Variants in DGKI observed in about 807,000 individuals in gnomAD.
DGKI encodes diacylglycerol kinase iota.
In DGKI, 55 loss-of-function variants were observed where a neutral mutation model predicts 147.5. The observed-to-expected ratio is 0.37, with a 90% CI of 0.30 to 0.47. The LOEUF (loss-of-function observed/expected upper bound fraction) is 0.47. Among genes scored for constraint, DGKI ranks in the 20% least tolerant of loss-of-function variants. The pLI, the probability that DGKI is intolerant of heterozygous loss-of-function variation, is 1.00. For missense variants in DGKI, 1,007 were observed against 1,323.8 expected (o/e 0.76, Z 3.71); for synonymous variants, 469 against 477.1 (o/e 0.98, Z 0.22).
chr7:137,584,142 TCA>T (rs1273515562), intron 14 of DGKI, among the ~76,000 whole-genome samples: 1 of 152,148 alleles, frequency 6.6e-6, no homozygotes, highest in East Asian at 1.9e-4. Flanking sequence ...AATCTTAGCC[TCA>T]ATAAATGGCA....
At chr7:137,537,619 GA>G (rs1397106909) in intron 20 of DGKI, among the ~76,000 whole-genome samples, 2 of 152,142 alleles carry the variant, frequency 1.3e-5, no homozygotes, top group Admixed American at 6.5e-5. Flanking sequence ...CAGGAGGTAT[GA>G]TTCAAAAATT....
At chr7:137,585,513 A>G (rs1049627775) in intron 13 of DGKI, among the ~76,000 whole-genome samples, 167 bp from the exon 14 acceptor site, 40 of 152,254 alleles carry the variant, frequency 2.6e-4, no homozygotes, top group Non-Finnish European at 5.1e-4. Context: ...AGACAATACT[A>G]TAAGTAAGAT....
chr7:137,811,845 A>C (rs1378657668), intron 1 of DGKI, among the ~76,000 whole-genome samples: 2 of 150,836 alleles, frequency 1.3e-5, no homozygotes, highest in East Asian at 3.9e-4. Flanking sequence ...GTAGGTAGTG[A>C]CTCTTGAAGT....
At chr7:137,837,997 C>CTTTTTTT (rs777963342) in intron 1 of DGKI, among the ~76,000 whole-genome samples, 5 of 109,834 alleles carry the variant, frequency 4.6e-5, no homozygotes, top group Admixed American at 9.7e-5. Context: ...AAGGGAGAAA[C>CTTTTTTT]TTTTTTTTTT....
intron 28 of DGKI, among the ~76,000 whole-genome samples, chr7:137,434,118 C>CAA (rs60899883): frequency 1.5e-5 from 2 of 129,142 alleles, no homozygotes; most frequent in East Asian, 4.3e-4. Flanking sequence ...AACTCCATCT[C>CAA]AAAAAAAAAA....
intron 13 of DGKI, among the ~76,000 whole-genome samples, chr7:137,585,790 T>C (rs923785011): frequency 6.6e-6 from 1 of 152,116 alleles, no homozygotes; most frequent in African/African-American, 2.4e-5. Flanking sequence ...CAATCACCTC[T>C]CCCTGACCTC....
chr7:137,601,258 G>A (rs111500045), intron 10 of DGKI, among the ~76,000 whole-genome samples: 1,863 of 151,088 alleles, frequency 0.012, 33 homozygotes, highest in African/African-American at 0.043. Context: ...GTGAAAGAGC[G>A]AGACTCTGTC....
At chr7:137,469,651 C>T (rs752843426) in intron 23 of DGKI, 32 bp from the exon 24 acceptor site, 4 of 1,602,686 alleles carry the variant, frequency 2.5e-6, no homozygotes, top group Admixed American at 3.3e-5. Flanking sequence ...CTAGTGGCTG[C>T]ATTTCAATAA....
chr7:137,501,447 T>C (rs904497713), intron 21 of DGKI, among the ~76,000 whole-genome samples: 2 of 152,208 alleles, frequency 1.3e-5, no homozygotes, highest in African/African-American at 4.8e-5. Context: ...GGAGGCTCCA[T>C]TATGTTGTCC....
intron 28 of DGKI, among the ~76,000 whole-genome samples, chr7:137,412,598 T>C (rs1161482250): frequency 1.3e-5 from 2 of 152,202 alleles, no homozygotes; most frequent in Non-Finnish European, 2.9e-5. Context: ...TGAAGTCCTA[T>C]GAATGTTCCT....
At chr7:137,820,553 G>T (rs1310675871) in intron 1 of DGKI, among the ~76,000 whole-genome samples, 2 of 152,148 alleles carry the variant, frequency 1.3e-5, no homozygotes, top group African/African-American at 2.4e-5. Context: ...GGCAAATGCT[G>T]GGGGGAGATG....
intron 1 of DGKI, among the ~76,000 whole-genome samples, chr7:137,728,088 T>C (rs966231349): frequency 6.6e-6 from 1 of 152,224 alleles, no homozygotes; most frequent in African/African-American, 2.4e-5. Flanking sequence ...TGGCAAAAGT[T>C]ATTCTTGAAC....
intron 1 of DGKI, among the ~76,000 whole-genome samples, chr7:137,738,709 C>A (rs1026419863): frequency 1.5e-5 from 2 of 136,090 alleles, no homozygotes; most frequent in Non-Finnish European, 3.0e-5. Flanking sequence ...TAGAAATTCA[C>A]AGAGAAGATG....
intron 2 of DGKI, among the ~76,000 whole-genome samples, chr7:137,685,508 T>A (rs1411594529): frequency 1.3e-5 from 2 of 152,190 alleles, no homozygotes; most frequent in Non-Finnish European, 2.9e-5. Flanking sequence ...ATGTGACATT[T>A]AAAAGAAGAT....
intron 17 of DGKI, among the ~76,000 whole-genome samples, chr7:137,573,518 C>T (rs1818863460): frequency 6.6e-6 from 1 of 152,146 alleles, no homozygotes. Flanking sequence ...GATTCTCCTG[C>T]CTCAGCCTCC....
At chr7:137,535,705 CCT>C (rs770857086) in intron 20 of DGKI, among the ~76,000 whole-genome samples, 234 of 152,122 alleles carry the variant, frequency 1.5e-3, no homozygotes, top group Non-Finnish European at 2.9e-3. Context: ...AAATAATTCA[CCT>C]CTAAAAATAA....
intron 30 of DGKI, among the ~76,000 whole-genome samples, chr7:137,402,639 C>G (rs1160119720): frequency 6.6e-6 from 1 of 152,194 alleles, no homozygotes; most frequent in East Asian, 1.9e-4. Flanking sequence ...TCCAAATCCC[C>G]TTTGCTATTC....
intron 19 of DGKI, among the ~76,000 whole-genome samples, chr7:137,559,784 T>C (rs1027065828): frequency 2.6e-5 from 4 of 152,134 alleles, no homozygotes; most frequent in African/African-American, 9.7e-5. Context: ...CTCGTATTCA[T>C]GATGCGGTTT....
rs535483572 is a variant in DGKI at position 137,567,155 on chromosome 7, T to C, written c.1947+4020A>G. Among the ~76,000 whole-genome samples the C allele has an allele frequency of 1.8e-4, 28 of 151,494 alleles. No homozygotes were observed. The South Asian group carries it at 1.9e-3, about 10-fold the overall frequency. ...GGCGGGTGCCTGTAATCCCAGCTACTTGGGGGGCTAAGGCAGGAGAATCGC... is the reference window on the plus strand; with the variant it reads ...GGCGGGTGCCTGTAATCCCAGCTACCTGGGGGGCTAAGGCAGGAGAATCGC... On this transcript the variant is annotated intron_variant, in intron 19 of 32. Coordinates refer to ENST00000614521, the MANE Select transcript of DGKI (RefSeq NM_001321708.2).
Sources: allele counts gnomAD v4.1 joint callset (sites outside exome capture counted in the v4.1 genomes callset), GRCh38; gene constraint gnomAD v4.1.1; transcripts MANE v1.5; gene names NCBI Gene and HGNC (gene_info 2026-07-23, HGNC 2026-07-21).